ATF7IP2: variants seen among roughly 807,000 people sequenced by gnomAD.
ATF7IP2 encodes activating transcription factor 7 interacting protein 2, also known as activating transcription factor 7-interacting protein 2.
In ATF7IP2, 42 loss-of-function variants were observed where a neutral mutation model predicts 64.2. That is an observed-to-expected ratio of 0.65 (90% confidence interval 0.51 to 0.85). The LOEUF (loss-of-function observed/expected upper bound fraction) is 0.85. Ranked by LOEUF, ATF7IP2 falls within the 40% of genes least tolerant of loss-of-function variation. The pLI is 0.00. For synonymous variants in ATF7IP2, 308 were observed against 272.8 expected (o/e 1.13, Z -1.27); for missense variants, 933 against 784.2 (o/e 1.19, Z -2.27).
intron 8 of ATF7IP2, chr16:10,447,144 GT>G (rs1312944829): frequency 6.6e-6 from 1 of 152,298 alleles, no homozygotes; most frequent in Non-Finnish European, 1.5e-5. Flanking sequence ...AGTAGTGCTT[GT>G]TACCATTCAC....
intron 5 of ATF7IP2, among the ~76,000 whole-genome samples, chr16:10,431,820 C>CTTTTTTTT (rs35046235): frequency 4.6e-4 from 52 of 113,270 alleles, no homozygotes; most frequent in South Asian, 5.7e-4. Context: ...AACCCTATTT[C>CTTTTTTTT]TTTTTTTTTT....
chr16:10,410,973 G>A (rs902481149), intron 1 of ATF7IP2, among the ~76,000 whole-genome samples: 5 of 152,016 alleles, frequency 3.3e-5, no homozygotes, highest in East Asian at 3.9e-4. Flanking sequence ...AGAGATAATT[G>A]TATAATTTTT....
Position 10,437,271 on chromosome 16 carries a change from G to A in ATF7IP2, c.961-830G>A, listed in dbSNP as rs765529952. Among the ~76,000 whole-genome samples the A allele has an allele frequency of 1.1e-4, 17 of 152,190 alleles. No individual in the cohort carries two copies. The South Asian group carries it at 2.3e-3, about 20-fold the overall frequency. The stretch of plus-strand genomic sequence containing the variant: ...CCTGACCTCGTGATCTGCCCACCTC[G>A]GCCTCCCAGAGTGTTGGGATTACAG... On this transcript the variant is annotated intron_variant, in intron 6 of 13. Coordinates refer to ENST00000562102, the MANE Select transcript of ATF7IP2 (RefSeq NM_001393719.1).
intron 1 of ATF7IP2, among the ~76,000 whole-genome samples, chr16:10,407,115 G>A (rs767214895): frequency 1.3e-5 from 2 of 152,164 alleles, no homozygotes; most frequent in African/African-American, 2.4e-5. Context: ...TCAACAAAAT[G>A]AAGGACAAAA....
In ATF7IP2 at chr16:10,431,414, C is replaced by A; in HGVS notation, c.794C>A (p.Ala265Glu). The A allele has an allele frequency of 3.1e-6, 5 of 1,609,832 alleles. No individual in the cohort carries two copies. Among genetic ancestry groups the A allele is most frequent in the Non-Finnish European group, 4.2e-6 (5 of 1,176,738 alleles). ...SRTSISNCES[A>E]DSTWQSSLDT... ...ACCAGTATTTCAAATTGTGAAAGTG[C>A]AGACTCAACATGGCAGTCATCACTT... Residue 265 changes from alanine to glutamate, a missense_variant, in exon 5 of 14, where the codon GCA (alanine) becomes GAA (glutamate). Coordinates refer to ENST00000562102, the MANE Select transcript of ATF7IP2 (RefSeq NM_001393719.1).
chr16:10,416,024 T>G (rs1179326153), intron 2 of ATF7IP2, among the ~76,000 whole-genome samples: 6 of 152,196 alleles, frequency 3.9e-5, no homozygotes, highest in African/African-American at 1.4e-4. Flanking sequence ...GTACAACCAG[T>G]ATGGAGACCA....
At chr16:10,437,180 C>T (rs1323753718) in intron 6 of ATF7IP2, among the ~76,000 whole-genome samples, 1 of 152,066 alleles carries the variant, frequency 6.6e-6, no homozygotes, top group Non-Finnish European at 1.5e-5. Flanking sequence ...GCCACCATGC[C>T]TGGCTAATTT....
At chr16:10,478,593 G>A (rs1035754106) in intron 12 of ATF7IP2, among the ~76,000 whole-genome samples, 1 of 152,074 alleles carries the variant, frequency 6.6e-6, no homozygotes, top group Admixed American at 6.6e-5. Context: ...CATAGGCATG[G>A]GCAAGGACTT....
chr16:10,424,195 T>A (rs1376218415), intron 3 of ATF7IP2, among the ~76,000 whole-genome samples: 1 of 152,190 alleles, frequency 6.6e-6, no homozygotes, highest in Non-Finnish European at 1.5e-5. Context: ...GGCGAGGTGT[T>A]CCCTTGCCCT....
chr16:10,474,568 G>T (rs1430052673), intron 12 of ATF7IP2, among the ~76,000 whole-genome samples: 1 of 152,150 alleles, frequency 6.6e-6, no homozygotes, highest in East Asian at 1.9e-4. Context: ...TGACAACAGT[G>T]TCTGTCGTCT....
At chr16:10,414,378 A>G (rs571081798) in intron 1 of ATF7IP2, among the ~76,000 whole-genome samples, 196 bp from the exon 2 acceptor site, 24 of 152,150 alleles carry the variant, frequency 1.6e-4, no homozygotes, top group African/African-American at 5.3e-4. Flanking sequence ...GAGACTTTCT[A>G]GAGCATTTTG....
intron 1 of ATF7IP2, among the ~76,000 whole-genome samples, chr16:10,388,866 G>T (rs953617002): frequency 6.6e-6 from 1 of 152,122 alleles, no homozygotes; most frequent in African/African-American, 2.4e-5. Flanking sequence ...AAAAAAATTA[G>T]CCGGGCGTGG....
At chr16:10,407,252 G>C (rs1270802456) in intron 1 of ATF7IP2, among the ~76,000 whole-genome samples, 1 of 152,184 alleles carries the variant, frequency 6.6e-6, no homozygotes, top group Non-Finnish European at 1.5e-5. Context: ...GTATATGACA[G>C]ACCACAGTTA....
chr16:10,442,161 A>G (rs2048648521), intron 8 of ATF7IP2, among the ~76,000 whole-genome samples: 1 of 152,204 alleles, frequency 6.6e-6, no homozygotes, highest in African/African-American at 2.4e-5. Flanking sequence ...TGGGTCAGCT[A>G]CAACCATGGT....
chr16:10,451,506 G>A (rs1165655821), intron 8 of ATF7IP2, among the ~76,000 whole-genome samples: 1 of 152,050 alleles, frequency 6.6e-6, no homozygotes, highest in African/African-American at 2.4e-5. Flanking sequence ...TGGAGGCTGT[G>A]TTCGTTCCTT....
At chr16:10,400,685 G>A (rs367674335) in intron 1 of ATF7IP2, among the ~76,000 whole-genome samples, 3 of 151,986 alleles carry the variant, frequency 2.0e-5, no homozygotes, top group Non-Finnish European at 2.9e-5. Context: ...CTTTTTGTGC[G>A]TGTGTGTGTT....
chr16:10,393,406 A>G (rs2047367061), intron 1 of ATF7IP2, among the ~76,000 whole-genome samples: 1 of 152,110 alleles, frequency 6.6e-6, no homozygotes, highest in Admixed American at 6.6e-5. Context: ...ACATAAGCCA[A>G]AAAGTGAAAG....
intron 12 of ATF7IP2, among the ~76,000 whole-genome samples, chr16:10,475,144 T>G (rs192917938): frequency 1.0e-4 from 9 of 88,548 alleles, no homozygotes; most frequent in Admixed American, 5.8e-4. Context: ...AGATGGAAAG[T>G]AGATCTACAC....
At chr16:10,444,826 C>G (rs1000066195) in intron 8 of ATF7IP2, among the ~76,000 whole-genome samples, 3 of 152,064 alleles carry the variant, frequency 2.0e-5, no homozygotes, top group African/African-American at 7.2e-5. Context: ...TTATCTGAAT[C>G]AATGTTTTTT....
Sources: gnomAD v4.1 joint callset for allele counts (sites outside exome capture counted in the v4.1 genomes callset) on GRCh38, gnomAD v4.1.1 for gene constraint, MANE v1.5 for transcripts, NCBI Gene and HGNC (gene_info 2026-07-23, HGNC 2026-07-21) for gene names.